KCNMB4: variants seen among roughly 807,000 people sequenced by gnomAD.
The protein encoded by KCNMB4 is calcium-activated potassium channel subunit beta-4.
KCNMB4 carries 3 observed loss-of-function variants against 20.7 expected under a neutral mutation model. That is an observed-to-expected ratio of 0.14 (90% CI 0.07 to 0.37). The LOEUF (loss-of-function observed/expected upper bound fraction) is 0.37, where lower values mean the gene tolerates loss of function less well. Ranked by LOEUF, KCNMB4 falls within the 10% of genes least tolerant of loss-of-function variation. The probability of loss-of-function intolerance (pLI) is 1.00; values close to 1 mark genes in which losing one functional copy is unlikely to be tolerated. For synonymous variants in KCNMB4, 110 were observed against 113.4 expected (o/e 0.97, Z 0.19); for missense variants, 168 against 265.9 (o/e 0.63, Z 2.56).
At chr12:70,422,181 C>G (rs1869085154) in intron 2 of KCNMB4, among the ~76,000 whole-genome samples, 1 of 152,164 alleles carries the variant, frequency 6.6e-6, no homozygotes, top group African/African-American at 2.4e-5. Context: ...ATGTAAATGT[C>G]TTCTTGTCTC....
chr12:70,408,736 G>A (rs1211132661), intron 2 of KCNMB4, among the ~76,000 whole-genome samples: 3 of 151,994 alleles, frequency 2.0e-5, no homozygotes, highest in South Asian at 2.1e-4. Context: ...CCTTAACCTC[G>A]AGGCTCAGTC....
rs528864938 is a variant in KCNMB4 at position 70,376,656 on chromosome 12, C to G, written c.336+9586C>G. 2.3e-3 allele frequency among the ~76,000 whole-genome samples: 345 copies of G among 151,686 alleles called. 1 individual carries two copies. The highest frequency in any genetic ancestry group is 8.2e-3 in the African/African-American group (339 of 41,348). On this transcript the variant is annotated intron_variant, in intron 1 of 2. Transcript: ENST00000258111. ...GCCAAAGCAGGAGGACCGCTTAGCC[C>G]GGGAGTTTAAGACCAGCCTAGGCAA... is the stretch of plus-strand genomic sequence containing the variant.
At chr12:70,427,277 G>A (rs1000037660) in intron 2 of KCNMB4, among the ~76,000 whole-genome samples, 3 of 152,194 alleles carry the variant, frequency 2.0e-5, no homozygotes, top group African/African-American at 7.2e-5. Flanking sequence ...ACAGGGGAGT[G>A]CCTTCAATTA....
At chr12:70,408,283 C>T (rs1565863273) in intron 2 of KCNMB4, among the ~76,000 whole-genome samples, 1 of 152,102 alleles carries the variant, frequency 6.6e-6, no homozygotes, top group Non-Finnish European at 1.5e-5. Context: ...TCCCTGGTGC[C>T]ATCTACTCTT....
At chr12:70,410,157 G>T (rs1428663573) in intron 2 of KCNMB4, among the ~76,000 whole-genome samples, 15 of 152,110 alleles carry the variant, frequency 9.9e-5, no homozygotes, top group Non-Finnish European at 4.4e-5. Flanking sequence ...CTAGTGGCGT[G>T]GTCTTAGATA....
chr12:70,403,050 C>A (rs1221508467), intron 2 of KCNMB4, among the ~76,000 whole-genome samples: 1 of 152,178 alleles, frequency 6.6e-6, no homozygotes, highest in South Asian at 2.1e-4. Context: ...AGTGTTACAT[C>A]TCTTAAGTCA....
chr12:70,416,951 G>T (rs1868928225), intron 2 of KCNMB4, among the ~76,000 whole-genome samples: 1 of 152,166 alleles, frequency 6.6e-6, no homozygotes, highest in South Asian at 2.1e-4. Context: ...CTTCTAGAAT[G>T]ATGATATTAT....
At position 70,389,464 on chromosome 12, in the gene KCNMB4, C is replaced by T. The variant is rs1398049254; in HGVS notation, c.337-10745C>T. Among the ~76,000 whole-genome samples the T allele has an allele frequency of 2.6e-5, 4 of 152,140 alleles. 1 individual carries two copies. Among genetic ancestry groups the T allele is most frequent in the South Asian group, 4.1e-4 (2 of 4,830 alleles). On this transcript the variant is annotated intron_variant, in intron 1 of 2. Transcript: ENST00000258111. ...ATCCCAGCACTTTGGGAGGCTGAGG[C>T]AGGCAGATCCCTTGAGCCCAGGAGT... is the stretch of plus-strand genomic sequence containing the variant.
intron 2 of KCNMB4, among the ~76,000 whole-genome samples, chr12:70,413,121 TG>T (rs1868827147): frequency 6.6e-6 from 1 of 152,222 alleles, no homozygotes; most frequent in Non-Finnish European, 1.5e-5. Flanking sequence ...GTGATTGCTG[TG>T]GCTTCTCCAG....
chr12:70,417,726 T>A (rs370598562), intron 2 of KCNMB4, among the ~76,000 whole-genome samples: 4 of 152,190 alleles, frequency 2.6e-5, no homozygotes, highest in African/African-American at 7.2e-5. Flanking sequence ...CTACCTTAAT[T>A]TGCTTAACTG....
At position 70,433,003 on chromosome 12, in the gene KCNMB4, G is replaced by A. The variant is rs1380350035; in HGVS notation, c.*2350G>A. ...TTCCATTTATCCCGAAAAAGTATAT[G>A]CAACTGTATTCTGTAGGTTGATTTT... On this transcript the variant is annotated 3_prime_UTR_variant, in exon 3 of 3. Transcript: ENST00000258111. 2.0e-5 allele frequency: 3 copies of A among 152,096 alleles called. No homozygotes were observed. Among genetic ancestry groups the A allele is most frequent in the Non-Finnish European group, 4.4e-5 (3 of 68,014 alleles). The allele number at this position is 152,096 out of a possible 1,614,324, so 9.4% of individuals were successfully genotyped here.
At chr12:70,374,547 A>G (rs1215599902) in intron 1 of KCNMB4, among the ~76,000 whole-genome samples, 1 of 152,202 alleles carries the variant, frequency 6.6e-6, no homozygotes, top group African/African-American at 2.4e-5. Context: ...TGTGAGTTGT[A>G]ATATCCTCTT....
chr12:70,378,053 G>A (rs1271798822), intron 1 of KCNMB4, among the ~76,000 whole-genome samples: 8 of 150,954 alleles, frequency 5.3e-5, no homozygotes, highest in Admixed American at 1.3e-4. Flanking sequence ...GAGTTCAAGT[G>A]ACTCTCCTGC....
Position 70,400,428 on chromosome 12 carries a change from C to T in KCNMB4, c.464+92C>T, listed in dbSNP as rs532564100. Reference sequence around the variant, plus strand: ...ATCGTAGATTATGCCCACTTGACAGCATGGAGATAGCCTCAACTCTTCTTT... The same window carrying T: ...ATCGTAGATTATGCCCACTTGACAGTATGGAGATAGCCTCAACTCTTCTTT... On this transcript the variant is annotated intron_variant, in intron 2 of 2. Transcript: ENST00000258111. 73 of 1,286,266 alleles carry T rather than the reference C, an allele frequency of 5.7e-5. 1 individual carries two copies. In the African/African-American group the frequency reaches 8.8e-4, roughly 16 times the overall value. 79.7% of individuals were successfully genotyped at this position (1,286,266 alleles called of 1,614,324 possible).
chr12:70,379,023 T>C (rs1883738244), intron 1 of KCNMB4, among the ~76,000 whole-genome samples: 1 of 152,220 alleles, frequency 6.6e-6, no homozygotes, highest in South Asian at 2.1e-4. Flanking sequence ...AATCTTTTTT[T>C]CTGAACAGTA....
chr12:70,382,050 CTT>C (rs908707120), intron 1 of KCNMB4, among the ~76,000 whole-genome samples: 15 of 152,020 alleles, frequency 9.9e-5, no homozygotes, highest in Non-Finnish European at 2.1e-4. Context: ...AATTTAAAAA[CTT>C]GTTTGGAAAA....
Position 70,425,392 on chromosome 12 carries a change from C to T in KCNMB4, c.465-5093C>T, listed in dbSNP as rs1246439954. Among the ~76,000 whole-genome samples, 7 of 152,236 alleles carry T rather than the reference C, an allele frequency of 4.6e-5. No homozygotes were observed. In the South Asian group the frequency reaches 1.0e-3, roughly 23 times the overall value. On this transcript the variant is annotated intron_variant, in intron 2 of 2. Transcript: ENST00000258111. ...GGCAGAGCTTGCAGTGAGCCGAGATCGGGCCATTGCACTTCAGCCTGGGCG... is the reference window on the plus strand; with the variant it reads ...GGCAGAGCTTGCAGTGAGCCGAGATTGGGCCATTGCACTTCAGCCTGGGCG...
chr12:70,371,346 C>T (rs1023206316), intron 1 of KCNMB4, among the ~76,000 whole-genome samples: 1 of 152,156 alleles, frequency 6.6e-6, no homozygotes, highest in African/African-American at 2.4e-5. Context: ...TTGGATGTAC[C>T]TAACTACAGG....
At chr12:70,396,024 C>T (rs1030143646) in intron 1 of KCNMB4, among the ~76,000 whole-genome samples, 1 of 152,172 alleles carries the variant, frequency 6.6e-6, no homozygotes, top group Non-Finnish European at 1.5e-5. Context: ...CAAAGACTTA[C>T]AGTGCATTTC....
Sources: gnomAD v4.1 joint callset for allele counts (sites outside exome capture counted in the v4.1 genomes callset) on GRCh38, gnomAD v4.1.1 for gene constraint, MANE v1.5 for transcripts, NCBI Gene and HGNC (gene_info 2026-07-23, HGNC 2026-07-21) for gene names.